Variants in CREBRF observed in about 807,000 individuals in gnomAD.
The protein encoded by CREBRF is UPF0474 protein C5orf41.
Under a neutral mutation model 66.1 loss-of-function variants are expected in CREBRF, and 5 were observed. The ratio of observed to expected loss-of-function variants is 0.08; its 90% confidence interval spans 0.04 to 0.16. CREBRF has a LOEUF of 0.16. Ranked by LOEUF, CREBRF falls within the 10% of genes least tolerant of loss-of-function variation. The pLI is 1.00. For missense variants in CREBRF, 531 were observed against 744.9 expected, an observed-to-expected ratio of 0.71 and a Z score of 3.34; for synonymous variants, 229 against 264.4, an observed-to-expected ratio of 0.87 and a Z score of 1.30.
chr5:173,100,045 T>G (rs2113755475), intron 4 of CREBRF, among the ~76,000 whole-genome samples: 1 of 146,776 alleles, frequency 6.8e-6, no homozygotes, highest in East Asian at 2.0e-4. Context: ...TAGCTGGGAT[T>G]ACAGGCACCT....
chr5:173,117,388 A>AG (rs1435069603), intron 7 of CREBRF, among the ~76,000 whole-genome samples: 2 of 130,136 alleles, frequency 1.5e-5, no homozygotes, highest in East Asian at 4.0e-4. Flanking sequence ...TCAAAAAAAA[A>AG]AAAAAATAAG....
intron 2 of CREBRF, among the ~76,000 whole-genome samples, chr5:173,081,352 A>C (rs1252231443): frequency 6.6e-6 from 1 of 152,200 alleles, no homozygotes; most frequent in Non-Finnish European, 1.5e-5. Context: ...TTAGGCAATC[A>C]GTGAGACAAT....
chr5:173,097,513 G>T (rs1223483515), intron 4 of CREBRF, among the ~76,000 whole-genome samples: 1 of 152,112 alleles, frequency 6.6e-6, no homozygotes, highest in African/African-American at 2.4e-5. Context: ...CCAAAGTGCT[G>T]GGATTACAGA....
chr5:173,084,227 C>T (rs1232009816), intron 2 of CREBRF, among the ~76,000 whole-genome samples: 1 of 152,092 alleles, frequency 6.6e-6, no homozygotes, highest in African/African-American at 2.4e-5. Flanking sequence ...GATCCTTCCT[C>T]CTCCCCTTAA....
chr5:173,105,617 G>A (rs974806477), intron 4 of CREBRF, among the ~76,000 whole-genome samples: 5 of 151,912 alleles, frequency 3.3e-5, no homozygotes, highest in African/African-American at 4.8e-5. Flanking sequence ...ACAGGTGGGC[G>A]CCACCACACC....
Position 173,137,666 on chromosome 5 carries a change from T to C in CREBRF, c.*3921T>C, listed in dbSNP as rs2113822552. On this transcript the variant is annotated 3_prime_UTR_variant, in exon 9 of 9. Transcript: ENST00000296953. Reference sequence around the variant, plus strand: ...GTACAGTACTTTTGAAATACAATGCTGTTAGTTTGGATTTCTTTTTATATA... The same window carrying C: ...GTACAGTACTTTTGAAATACAATGCCGTTAGTTTGGATTTCTTTTTATATA... 1 of 152,056 alleles carries C rather than the reference T, an allele frequency of 6.6e-6. No homozygotes were observed. The highest frequency in any genetic ancestry group is 2.4e-5 in the African/African-American group (1 of 41,542). 9.4% of individuals were successfully genotyped at this position (152,056 alleles called of 1,614,324 possible).
chr5:173,105,245 G>A (rs1288473623), intron 4 of CREBRF, among the ~76,000 whole-genome samples: 2 of 151,972 alleles, frequency 1.3e-5, no homozygotes, highest in African/African-American at 4.8e-5. Flanking sequence ...GTGTGTGTGT[G>A]TGTGTGTGTG....
At chr5:173,120,881 T>C (rs1410007273) in intron 7 of CREBRF, among the ~76,000 whole-genome samples, 2 of 151,434 alleles carry the variant, frequency 1.3e-5, no homozygotes, top group African/African-American at 4.9e-5. Context: ...TTATTAGACA[T>C]GGGGTTTCGT....
intron 1 of CREBRF, among the ~76,000 whole-genome samples, chr5:173,068,933 G>A (rs968705493): frequency 9.9e-5 from 15 of 152,088 alleles, no homozygotes; most frequent in Middle Eastern, 3.4e-3. Flanking sequence ...TTAGCTGAGC[G>A]TGGTGGCGTG....
chr5:173,110,613 G>A lies in CREBRF; in HGVS notation c.1509G>A (p.Arg503=). The A allele has an allele frequency of 6.2e-7, 1 of 1,614,098 alleles. No individual in the cohort carries two copies. Among genetic ancestry groups the A allele is most frequent in the Non-Finnish European group, 8.5e-7 (1 of 1,179,968 alleles). The change falls in exon 6 of 9, where the codon CGG becomes CGA. Residue 503 remains arginine, a synonymous_variant. Transcript: ENST00000296953. ...TCCTCCAGATAGGCAATGAACTTCG[G>A]AAACTGAATAAGGTGATTAGTGACC... ...KKLLQIGNEL[R]KLNKVISDLT... is the part of the protein sequence containing the mutation.
chr5:173,096,531 C>G (rs1581685175), intron 4 of CREBRF, among the ~76,000 whole-genome samples: 1 of 142,880 alleles, frequency 7.0e-6, no homozygotes, highest in East Asian at 2.2e-4. Flanking sequence ...CCTTCCCCCT[C>G]CCCTCCCCTT....
intron 1 of CREBRF, among the ~76,000 whole-genome samples, chr5:173,078,825 G>A (rs1167292118): frequency 1.3e-5 from 2 of 152,060 alleles, no homozygotes; most frequent in Non-Finnish European, 2.9e-5. Context: ...GCGCCCAGCC[G>A]ACCCTATTGC....
At chr5:173,069,502 A>G (rs2113676346) in intron 1 of CREBRF, among the ~76,000 whole-genome samples, 1 of 152,102 alleles carries the variant, frequency 6.6e-6, no homozygotes, top group African/African-American at 2.4e-5. Flanking sequence ...TTGTATTGTT[A>G]GTAGAGATGG....
intron 1 of CREBRF, among the ~76,000 whole-genome samples, chr5:173,068,563 A>G (rs1448926094): frequency 6.6e-6 from 1 of 152,198 alleles, no homozygotes; most frequent in Non-Finnish European, 1.5e-5. Flanking sequence ...TTTCCCCTTT[A>G]TCTGCCATTT....
intron 1 of CREBRF, among the ~76,000 whole-genome samples, chr5:173,068,908 A>G (rs1220310956): frequency 1.4e-5 from 2 of 141,976 alleles, no homozygotes; most frequent in South Asian, 2.2e-4. Flanking sequence ...ATCAGTACTG[A>G]AAAAAAAAAA....
At position 173,079,934 on chromosome 5, in the gene CREBRF, C is replaced by G. The variant is rs1456201787; in HGVS notation, c.-191-651C>G. 3.3e-5 allele frequency among the ~76,000 whole-genome samples: 5 copies of G among 152,202 alleles called. No individual in the cohort carries two copies. The South Asian group carries it at 1.0e-3, about 32-fold the overall frequency. ...CAGATGATTTGTAGTCATTGTTTTA[C>G]TTAACCCTTGAAACCACTCTGCAAA... is the stretch of plus-strand genomic sequence containing the variant. On this transcript the variant is annotated intron_variant, in intron 1 of 8. Transcript: ENST00000296953.
intron 4 of CREBRF, among the ~76,000 whole-genome samples, chr5:173,098,390 T>C (rs561920238): frequency 4.1e-4 from 62 of 152,266 alleles, no homozygotes; most frequent in Non-Finnish European, 7.5e-4. Context: ...GGTTTCATTG[T>C]GTTAGCCAGG....
chr5:173,064,477 A>G (rs938019121), intron 1 of CREBRF, among the ~76,000 whole-genome samples: 2 of 151,768 alleles, frequency 1.3e-5, no homozygotes, highest in South Asian at 2.1e-4. Flanking sequence ...TTGACTTTCC[A>G]GGCTCAAGCA....
chr5:173,103,570 G>T (rs546335830), intron 4 of CREBRF, among the ~76,000 whole-genome samples: 3 of 152,296 alleles, frequency 2.0e-5, no homozygotes, highest in African/African-American at 7.2e-5. Context: ...CTTTTGTGAT[G>T]ACTAGCTCCC....
Sources: allele counts gnomAD v4.1 joint callset (sites outside exome capture counted in the v4.1 genomes callset), GRCh38; gene constraint gnomAD v4.1.1; transcripts MANE v1.5; gene names NCBI Gene and HGNC (gene_info 2026-07-23, HGNC 2026-07-21).